Variants in GNB4 observed in about 807,000 individuals in gnomAD.
GNB4 encodes G protein subunit beta 4.
A neutral mutation model predicts 45.2 loss-of-function variants in GNB4; 28 were observed. That is an observed-to-expected ratio of 0.62 (90% CI 0.46 to 0.85). The LOEUF is 0.85. Among genes scored for constraint, GNB4 ranks in the 40% least tolerant of loss-of-function variants. The pLI is 0.00. For missense variants in GNB4, 321 were observed against 425.4 expected, an observed-to-expected ratio of 0.75 and a Z score of 2.16; for synonymous variants, 132 against 143.7, an observed-to-expected ratio of 0.92 and a Z score of 0.58.
chr3:179,419,414 C>T lies in GNB4; in HGVS notation c.188G>A (p.Trp63Ter), dbSNP rs750675404. 6.2e-7 allele frequency: 1 copy of T among 1,603,314 alleles called. No individual in the cohort carries two copies. The highest frequency in any genetic ancestry group is 8.5e-7 in the Non-Finnish European group (1 of 1,170,190). ...GHLAKIYAMHWGYDSRLLVSA... is the reference protein window; with the variant it reads ...GHLAKIYAMH Reference sequence around the variant, plus strand: ...AGGTACAAACCTGGAATCGTATCCCCAATGCATAGCATAGATTTTAGCTAG... The same window carrying T: ...AGGTACAAACCTGGAATCGTATCCCTAATGCATAGCATAGATTTTAGCTAG... The change falls in exon 4 of 10, where the codon TGG (tryptophan) becomes TAG (stop). Residue 63 changes from tryptophan to a stop codon, truncating the protein, a stop_gained. Coordinates refer to ENST00000232564, the MANE Select transcript of GNB4 (RefSeq NM_021629.4). LOFTEE classifies it high-confidence loss of function.
chr3:179,440,153 G>A (rs1468778225), intron 1 of GNB4, among the ~76,000 whole-genome samples: 1 of 151,946 alleles, frequency 6.6e-6, no homozygotes, highest in Non-Finnish European at 1.5e-5. Context: ...ACATATTTCA[G>A]GTGTTATCTT....
chr3:179,468,608 A>G, the GNB4 span, among the ~76,000 whole-genome samples: 1 of 152,204 alleles, frequency 6.6e-6, no homozygotes, highest in Non-Finnish European at 1.5e-5. Flanking sequence ...TTTGGAATTC[A>G]GGCACAACTG....
At chr3:179,494,700 G>C in the GNB4 span, among the ~76,000 whole-genome samples, 33 of 152,000 alleles carry the variant, frequency 2.2e-4, no homozygotes, top group African/African-American at 7.7e-4. Flanking sequence ...ACGAGGTCAG[G>C]AGATCAAGAC....
the GNB4 span, among the ~76,000 whole-genome samples, chr3:179,488,604 A>G: frequency 6.6e-6 from 1 of 152,164 alleles, no homozygotes; most frequent in South Asian, 2.1e-4. Flanking sequence ...ACAATGCTAG[A>G]TTTGAAATCG....
chr3:179,441,903 G>A (rs1425791916), intron 1 of GNB4, among the ~76,000 whole-genome samples: 3 of 151,676 alleles, frequency 2.0e-5, no homozygotes, highest in Non-Finnish European at 4.4e-5. Context: ...CGCCTCCTGG[G>A]TTCAAGCAAT....
At chr3:179,473,523 C>A in the GNB4 span, among the ~76,000 whole-genome samples, 1 of 151,918 alleles carries the variant, frequency 6.6e-6, no homozygotes, top group Non-Finnish European at 1.5e-5. Context: ...GAAGGCTTGA[C>A]CTCCTGGGCT....
chr3:179,401,426 T>G, intron 9 of GNB4, 107 bp from the exon 10 acceptor site: 2 of 492,228 alleles, frequency 4.1e-6, no homozygotes, highest in East Asian at 3.4e-5. Flanking sequence ...CCAGTTTTCT[T>G]GAAAGTTCAT....
At chr3:179,431,745 G>A (rs1156868995) in intron 1 of GNB4, among the ~76,000 whole-genome samples, 1 of 152,120 alleles carries the variant, frequency 6.6e-6, no homozygotes, top group African/African-American at 2.4e-5. Flanking sequence ...AGGTGATGCT[G>A]TGGACTTCAT....
At chr3:179,435,194 A>C (rs570608389) in intron 1 of GNB4, among the ~76,000 whole-genome samples, 111 of 152,292 alleles carry the variant, frequency 7.3e-4, no homozygotes, top group African/African-American at 2.6e-3. Context: ...GCCTCTTTTC[A>C]AAGGGCATCT....
upstream of GNB4, among the ~76,000 whole-genome samples, chr3:179,454,692 G>A (rs1412148241): frequency 3.3e-5 from 5 of 152,086 alleles, no homozygotes; most frequent in Admixed American, 2.0e-4. Context: ...CAAGCACACC[G>A]TGAAGAACAC....
chr3:179,518,004 C>T, the GNB4 span, among the ~76,000 whole-genome samples: 1 of 152,072 alleles, frequency 6.6e-6, no homozygotes, highest in South Asian at 2.1e-4. Flanking sequence ...CCCTTCTCCA[C>T]TTTCCTGGGG....
chr3:179,424,082 G>A (rs114622916), intron 2 of GNB4, among the ~76,000 whole-genome samples: 4 of 152,304 alleles, frequency 2.6e-5, no homozygotes, highest in African/African-American at 9.6e-5. Flanking sequence ...AAGGTTGGGA[G>A]AACCAACTTT....
rs1024091058 is a variant in GNB4 at position 179,398,972 on chromosome 3, C to T, written c.*2241G>A. ...CATAGAATTCCTGTGGTCTGTATGC[C>T]TGTGACTACTATAATAACTTTTAAG... On this transcript the variant is annotated 3_prime_UTR_variant, in exon 10 of 10. Transcript: ENST00000232564. 2 of 152,024 alleles carry T rather than the reference C, an allele frequency of 1.3e-5. No homozygotes were observed. The highest frequency in any genetic ancestry group is 6.5e-5 in the Admixed American group (1 of 15,270). 9.4% of individuals were successfully genotyped at this position (152,024 alleles called of 1,614,324 possible).
intron 8 of GNB4, among the ~76,000 whole-genome samples, chr3:179,413,086 G>C (rs1465881799): frequency 6.6e-6 from 1 of 152,108 alleles, no homozygotes. Context: ...ACTGAGGTGG[G>C]AGGATCGCTT....
chr3:179,466,634 T>C, the GNB4 span, among the ~76,000 whole-genome samples: 1 of 152,218 alleles, frequency 6.6e-6, no homozygotes, highest in African/African-American at 2.4e-5. Flanking sequence ...TTATTAAACA[T>C]GGAGCAAGAT....
At chr3:179,494,746 A>G in the GNB4 span, among the ~76,000 whole-genome samples, 3 of 151,790 alleles carry the variant, frequency 2.0e-5, no homozygotes, top group Admixed American at 2.0e-4. Flanking sequence ...CGTCTCTACT[A>G]AAAATACAAA....
intron 1 of GNB4, among the ~76,000 whole-genome samples, chr3:179,439,376 C>G (rs1209696813): frequency 6.6e-6 from 1 of 152,124 alleles, no homozygotes; most frequent in Non-Finnish European, 1.5e-5. Flanking sequence ...TCTTGGAACC[C>G]CAGACTCACT....
At chr3:179,488,605 T>C in the GNB4 span, among the ~76,000 whole-genome samples, 9 of 152,262 alleles carry the variant, frequency 5.9e-5, no homozygotes, top group East Asian at 1.4e-3. Flanking sequence ...CAATGCTAGA[T>C]TTGAAATCGA....
the GNB4 span, among the ~76,000 whole-genome samples, chr3:179,507,303 T>A: frequency 6.6e-6 from 1 of 152,098 alleles, no homozygotes; most frequent in African/African-American, 2.4e-5. Context: ...GAGATTCCGA[T>A]GATATTATCA....
Sources: allele counts gnomAD v4.1 joint callset (sites outside exome capture counted in the v4.1 genomes callset), GRCh38; gene constraint gnomAD v4.1.1; transcripts MANE v1.5; gene names NCBI Gene and HGNC (gene_info 2026-07-23, HGNC 2026-07-21).